The following TIMM23 variants were observed in gnomAD, a reference collection of about 807,000 sequenced individuals.
TIMM23 encodes mitochondrial import inner membrane translocase subunit Tim23.
TIMM23 carries 19 observed loss-of-function variants against 30.7 expected under a neutral mutation model. That is an observed-to-expected ratio of 0.62 (90% CI 0.43 to 0.91). TIMM23 has a LOEUF of 0.91. Among genes scored for constraint, TIMM23 ranks in the 40% least tolerant of loss-of-function variants. The pLI, the probability that TIMM23 is intolerant of heterozygous loss-of-function variation, is 0.00. For missense variants in TIMM23, 202 were observed against 269.2 expected (o/e 0.75, Z 1.75); for synonymous variants, 78 against 98.5 (o/e 0.79, Z 1.23).
intron 2 of TIMM23, among the ~76,000 whole-genome samples, chr10:45,976,674 A>G (rs1268258837): frequency 6.6e-6 from 1 of 152,126 alleles, no homozygotes; most frequent in Non-Finnish European, 1.5e-5. Context: ...TCTACAGAAT[A>G]TCCAAAGCTA....
intron 2 of TIMM23, among the ~76,000 whole-genome samples, chr10:45,976,075 T>G (rs1837664297): frequency 1.3e-5 from 2 of 152,204 alleles, no homozygotes; most frequent in Non-Finnish European, 1.5e-5. Flanking sequence ...AATATCAGGG[T>G]TTTTTTGACT....
At chr10:45,996,069 CAG>C (rs1249924393) in intron 6 of TIMM23, among the ~76,000 whole-genome samples, 1 of 148,796 alleles carries the variant, frequency 6.7e-6, no homozygotes, top group East Asian at 1.9e-4. Context: ...CTATTTAAAA[CAG>C]AAATGTTAGG....
chr10:45,988,484 TTTCTGAGGCTGC>T (rs1383469587), intron 5 of TIMM23, among the ~76,000 whole-genome samples: 1 of 152,146 alleles, frequency 6.6e-6, no homozygotes, highest in Non-Finnish European at 1.5e-5. Context: ...AGAGATTCTG[TTTCTGAGGCTGC>T]TTCTGAGGCC....
chr10:45,990,429 A>AT (rs1253740515), intron 6 of TIMM23, among the ~76,000 whole-genome samples: 11 of 138,084 alleles, frequency 8.0e-5, no homozygotes, highest in African/African-American at 1.4e-4. Context: ...GCTTATTTTA[A>AT]TTTTTTTTTT....
At chr10:46,001,269 AAG>A (rs1354949109) in intron 6 of TIMM23, among the ~76,000 whole-genome samples, 1 of 152,232 alleles carries the variant, frequency 6.6e-6, no homozygotes, top group African/African-American at 2.4e-5. Context: ...CAAGTTCACA[AAG>A]AGATGATGTG....
chr10:45,993,972 G>C (rs1160715456), intron 6 of TIMM23, among the ~76,000 whole-genome samples: 2 of 152,220 alleles, frequency 1.3e-5, no homozygotes, highest in Non-Finnish European at 2.9e-5. Context: ...GTGCACTCCA[G>C]CTTGGGTGAT....
chr10:45,993,629 G>A (rs1838238330), intron 6 of TIMM23, among the ~76,000 whole-genome samples: 1 of 152,084 alleles, frequency 6.6e-6, no homozygotes, highest in Non-Finnish European at 1.5e-5. Flanking sequence ...ACTCCAGCCT[G>A]GGCGATAGAG....
chr10:45,991,493 TG>T (rs1399952115), intron 6 of TIMM23, among the ~76,000 whole-genome samples: 2 of 152,182 alleles, frequency 1.3e-5, no homozygotes, highest in African/African-American at 4.8e-5. Context: ...GGCTCATGCC[TG>T]TAATCCCAGC....
At chr10:46,003,055 G>A (rs918831054) in intron 6 of TIMM23, 148 bp from the exon 7 acceptor site, 5 of 574,756 alleles carry the variant, frequency 8.7e-6, no homozygotes, top group Non-Finnish European at 1.5e-5. Flanking sequence ...ATCCTCAAGC[G>A]ATCCACCCAC....
chr10:45,998,189 T>C (rs1554917090), intron 6 of TIMM23: 57 of 180,848 alleles, frequency 3.2e-4, no homozygotes, highest in Non-Finnish European at 5.6e-4. Context: ...CCAAAATGTT[T>C]ACTATCTGGC....
At chr10:45,984,253 T>G (rs1376747703) in intron 4 of TIMM23, among the ~76,000 whole-genome samples, 3 of 152,178 alleles carry the variant, frequency 2.0e-5, no homozygotes, top group African/African-American at 7.2e-5. Context: ...CCATCAACCA[T>G]GGCCAGTTCT....
chr10:45,989,126 A>C (rs1319968921), intron 6 of TIMM23, among the ~76,000 whole-genome samples: 3,919 of 152,308 alleles, frequency 0.026, 70 homozygotes, highest in East Asian at 0.051. Context: ...CTCTGTACCT[A>C]TTAAGCCTCC....
In TIMM23 at chr10:45,972,706, C is replaced by G; in HGVS notation, c.82C>G (p.His28Asp). The change falls in exon 1 of 7, where the codon CAC becomes GAC. Residue 28 changes from histidine to aspartate, a missense_variant. Coordinates refer to ENST00000580018, the MANE Select transcript of TIMM23 (RefSeq NM_006327.4). ...FFGAGGAGYS[H>D]ADLAGVPLTG... is the part of the protein sequence containing the mutation. ...CGGAGCCGGCGGAGCAGGTTACTCG[C>G]ACGCGGATTTGGCTGGCGTCCCGCG... is the stretch of plus-strand genomic sequence containing the variant. 6.2e-7 allele frequency: 1 copy of G among 1,613,986 alleles called. No homozygotes were observed. The highest frequency in any genetic ancestry group is 8.5e-7 in the Non-Finnish European group (1 of 1,179,864).
chr10:45,998,193 A>G (rs1345418662), intron 6 of TIMM23: 1 of 183,744 alleles, frequency 5.4e-6, no homozygotes, highest in African/African-American at 2.4e-5. Context: ...AATGTTTACT[A>G]TCTGGCCCTT....
At chr10:45,975,864 C>T (rs1402744286) in intron 2 of TIMM23, among the ~76,000 whole-genome samples, 17 of 152,178 alleles carry the variant, frequency 1.1e-4, no homozygotes, top group Admixed American at 5.2e-4. Flanking sequence ...TGCAGTAGCG[C>T]GATCTCTGCT....
Position 46,000,780 on chromosome 10 carries a change from G to A in TIMM23, c.515-2423G>A, listed in dbSNP as rs145864995. Among the ~76,000 whole-genome samples, 237 of 152,342 alleles carry A rather than the reference G, an allele frequency of 1.6e-3. 1 individual carries two copies. The highest frequency in any genetic ancestry group is 5.5e-3 in the African/African-American group (230 of 41,578). On this transcript the variant is annotated intron_variant, in intron 6 of 6. Transcript: ENST00000580018. ...ATTATTGACTTATAGGTTCAGGGGA[G>A]TTAATCTGAAGTTGAATGTGTGGTT... is the stretch of plus-strand genomic sequence containing the variant.
chr10:45,982,481 C>G (rs1422473600), intron 2 of TIMM23, 42 bp from the exon 3 acceptor site: 1 of 1,602,504 alleles, frequency 6.2e-7, no homozygotes, highest in Non-Finnish European at 8.5e-7. Context: ...AGATTTGTGT[C>G]TTGAGGGACA....
At chr10:45,979,711 G>A (rs1457151508) in intron 2 of TIMM23, among the ~76,000 whole-genome samples, 4 of 144,630 alleles carry the variant, frequency 2.8e-5, no homozygotes, top group South Asian at 2.2e-4. Context: ...TCTTGTTTGC[G>A]TTAAGTGTTC....
chr10:45,972,538 G>A lies in TIMM23; in HGVS notation c.-87G>A, dbSNP rs1183577473. ...GTGAAGTAGGCGCTGGCAACGCGGG[G>A]TTACCCGCTGTTATTGAGGAGTAAC... On this transcript the variant is annotated 5_prime_UTR_variant, in exon 1 of 7. Coordinates refer to ENST00000580018, the MANE Select transcript of TIMM23 (RefSeq NM_006327.4). 1.2e-5 allele frequency: 18 copies of A among 1,507,408 alleles called. No homozygotes were observed. The highest frequency in any genetic ancestry group is 1.4e-5 in the Non-Finnish European group (16 of 1,122,636). 93.4% of individuals were successfully genotyped at this position (1,507,408 alleles called of 1,614,324 possible).
Sources: gnomAD v4.1 joint callset for allele counts (sites outside exome capture counted in the v4.1 genomes callset) on GRCh38, gnomAD v4.1.1 for gene constraint, MANE v1.5 for transcripts, NCBI Gene and HGNC (gene_info 2026-07-23, HGNC 2026-07-21) for gene names.